The following KCNIP4 variants were observed in gnomAD, a reference collection of about 807,000 sequenced individuals.
KCNIP4 encodes potassium voltage-gated channel interacting protein 4.
Under a neutral mutation model 34.0 loss-of-function variants are expected in KCNIP4, and 12 were observed. The ratio of observed to expected loss-of-function variants is 0.35; its 90% CI spans 0.23 to 0.57. The LOEUF (loss-of-function observed/expected upper bound fraction) is 0.57, where lower values mean the gene tolerates loss of function less well. KCNIP4 is among the 20% of genes least tolerant of loss of function. The pLI, the probability that KCNIP4 is intolerant of heterozygous loss-of-function variation, is 0.83. For missense variants in KCNIP4, 238 were observed against 311.7 expected (o/e 0.76, Z 1.78); for synonymous variants, 124 against 102.2 (o/e 1.21, Z -1.29).
At chr4:21,358,290 T>C (rs1346928510) in intron 1 of KCNIP4, among the ~76,000 whole-genome samples, 3 of 151,922 alleles carry the variant, frequency 2.0e-5, no homozygotes, top group Non-Finnish European at 2.9e-5. Flanking sequence ...GCACATTGTG[T>C]ACATGTACCC....
chr4:20,990,871 C>T (rs1440139184), intron 1 of KCNIP4, among the ~76,000 whole-genome samples: 1 of 152,142 alleles, frequency 6.6e-6, no homozygotes, highest in African/African-American at 2.4e-5. Context: ...CCGTGATTCT[C>T]CAGGATAATA....
intron 1 of KCNIP4, among the ~76,000 whole-genome samples, chr4:21,230,977 C>T (rs760398462): frequency 4.6e-5 from 7 of 152,128 alleles, no homozygotes; most frequent in Non-Finnish European, 7.3e-5. Flanking sequence ...ACATTTCCAC[C>T]AACAGTGTAA....
intron 1 of KCNIP4, among the ~76,000 whole-genome samples, chr4:21,235,330 C>T (rs1053343544): frequency 2.0e-5 from 3 of 152,156 alleles, no homozygotes; most frequent in African/African-American, 7.2e-5. Flanking sequence ...TGAGAACTGG[C>T]TCCTGGCTCT....
intron 1 of KCNIP4, among the ~76,000 whole-genome samples, chr4:21,044,452 G>T (rs569199219): frequency 6.6e-6 from 1 of 152,010 alleles, no homozygotes; most frequent in South Asian, 2.1e-4. Flanking sequence ...GCTGGGACTA[G>T]AGGCACCTGC....
chr4:21,766,430 T>C (rs1718422349), intron 1 of KCNIP4, among the ~76,000 whole-genome samples: 1 of 152,110 alleles, frequency 6.6e-6, no homozygotes, highest in Non-Finnish European at 1.5e-5. Flanking sequence ...AGTTCATTTG[T>C]CTTCAAAATC....
intron 1 of KCNIP4, among the ~76,000 whole-genome samples, chr4:21,599,977 C>A (rs1039641666): frequency 2.0e-5 from 3 of 152,054 alleles, no homozygotes; most frequent in African/African-American, 7.2e-5. Context: ...TAATAAATAT[C>A]ATTTTCAACA....
At chr4:21,602,637 A>G (rs1743284154) in intron 1 of KCNIP4, among the ~76,000 whole-genome samples, 1 of 152,210 alleles carries the variant, frequency 6.6e-6, no homozygotes, top group East Asian at 1.9e-4. Flanking sequence ...TCCTTATTAT[A>G]TTGCTCAGAA....
chr4:21,567,664 T>C (rs1740017499), intron 1 of KCNIP4, among the ~76,000 whole-genome samples: 1 of 152,056 alleles, frequency 6.6e-6, no homozygotes, highest in South Asian at 2.1e-4. Context: ...CTAAAATACA[T>C]AAACCATCTG....
chr4:21,061,609 C>T (rs1048066684), intron 1 of KCNIP4, among the ~76,000 whole-genome samples: 10 of 152,056 alleles, frequency 6.6e-5, no homozygotes, highest in African/African-American at 2.4e-4. Flanking sequence ...GGAACCCTGC[C>T]TACCTCTAAA....
At chr4:21,766,197 A>C (rs1248431528) in intron 1 of KCNIP4, among the ~76,000 whole-genome samples, 1 of 152,144 alleles carries the variant, frequency 6.6e-6, no homozygotes, top group Admixed American at 6.6e-5. Flanking sequence ...AATGTGAGAA[A>C]GTAATTATTG....
intron 1 of KCNIP4, among the ~76,000 whole-genome samples, chr4:21,093,948 G>A (rs1219589668): frequency 3.9e-5 from 6 of 152,162 alleles, no homozygotes; most frequent in African/African-American, 1.4e-4. Flanking sequence ...CAGGCGTGGT[G>A]GCGGGCGCCT....
At chr4:21,175,176 C>A (rs1192098831) in intron 1 of KCNIP4, among the ~76,000 whole-genome samples, 1 of 151,802 alleles carries the variant, frequency 6.6e-6, no homozygotes, top group Non-Finnish European at 1.5e-5. Context: ...TATTTCTCTA[C>A]AATCTAGAGA....
At chr4:21,612,537 G>T (rs1020349789) in intron 1 of KCNIP4, among the ~76,000 whole-genome samples, 4 of 152,246 alleles carry the variant, frequency 2.6e-5, no homozygotes, top group African/African-American at 9.6e-5. Context: ...TGTCTGGAGT[G>T]GATACTTAAT....
intron 2 of KCNIP4, among the ~76,000 whole-genome samples, chr4:20,856,262 T>G (rs1325044667): frequency 6.6e-6 from 1 of 152,166 alleles, no homozygotes; most frequent in Admixed American, 6.5e-5. Flanking sequence ...GAACAATGTC[T>G]GATGTAATCT....
chr4:20,844,392 A>G (rs1334329803), intron 3 of KCNIP4, among the ~76,000 whole-genome samples: 1 of 152,200 alleles, frequency 6.6e-6, no homozygotes, highest in African/African-American at 2.4e-5. Flanking sequence ...AAGGCCTTTT[A>G]TCTGAGTCTT....
intron 1 of KCNIP4, among the ~76,000 whole-genome samples, chr4:21,241,846 C>T (rs1437322497): frequency 1.3e-5 from 2 of 152,004 alleles, no homozygotes; most frequent in Non-Finnish European, 2.9e-5. Flanking sequence ...GCAGTATGCT[C>T]GTCTATATCA....
chr4:21,526,543 T>C (rs1735989316), intron 1 of KCNIP4, among the ~76,000 whole-genome samples: 2 of 152,210 alleles, frequency 1.3e-5, no homozygotes, highest in South Asian at 2.1e-4. Flanking sequence ...CCTTGATTGA[T>C]TGATATGTAT....
chr4:21,243,823 G>C lies in KCNIP4; in HGVS notation c.62-361114C>G, dbSNP rs191514302. ...AAAATCAACAAAAACCCTGTTTCTT[G>C]AGAGAGCATATTGCATGCTAGAGGC... is the stretch of plus-strand genomic sequence containing the variant. On this transcript the variant is annotated intron_variant, in intron 1 of 8. Coordinates refer to ENST00000382152, the MANE Select transcript of KCNIP4 (RefSeq NM_025221.6). Among the ~76,000 whole-genome samples the C allele has an allele frequency of 1.4e-4, 21 of 152,264 alleles. No individual in the cohort carries two copies. In the East Asian group the frequency reaches 3.5e-3, roughly 25 times the overall value.
Position 21,439,543 on chromosome 4 carries a change from T to C in KCNIP4, c.61+509028A>G, listed in dbSNP as rs901737208. On this transcript the variant is annotated intron_variant, in intron 1 of 8. Transcript: ENST00000382152. ...AATGTACACATCTTCCAAGACTTCC[T>C]TGCAAGTTAGGATGATCATGTGATA... Among the ~76,000 whole-genome samples the C allele has an allele frequency of 7.9e-5, 12 of 152,194 alleles. No homozygotes were observed. In the East Asian group the frequency reaches 2.3e-3, roughly 29 times the overall value.
Sources: allele counts gnomAD v4.1 joint callset (sites outside exome capture counted in the v4.1 genomes callset), GRCh38; gene constraint gnomAD v4.1.1; transcripts MANE v1.5; gene names NCBI Gene and HGNC (gene_info 2026-07-23, HGNC 2026-07-21).